The following GRHL2 variants were observed in gnomAD, a reference collection of about 807,000 sequenced individuals.
GRHL2 encodes grainyhead like transcription factor 2.
GRHL2 carries 21 observed loss-of-function variants against 83.8 expected under a neutral mutation model. That is an observed-to-expected ratio of 0.25 (90% CI 0.18 to 0.36). GRHL2 has a LOEUF of 0.36. GRHL2 is among the 10% of genes least tolerant of loss of function. GRHL2 has a pLI of 1.00. For missense variants in GRHL2, 623 were observed against 781.8 expected, an observed-to-expected ratio of 0.80 and a Z score of 2.42; for synonymous variants, 280 against 278.9, an observed-to-expected ratio of 1.00 and a Z score of -0.04.
intron 14 of GRHL2, among the ~76,000 whole-genome samples, chr8:101,652,012 G>T (rs973621119): frequency 5.9e-5 from 9 of 152,144 alleles, no homozygotes; most frequent in Non-Finnish European, 1.0e-4. Flanking sequence ...AGGACAGCAG[G>T]CTCCGTGTAA....
At chr8:101,552,977 T>C (rs1811416014) in intron 3 of GRHL2, among the ~76,000 whole-genome samples, 195 bp downstream of exon 3, 1 of 152,102 alleles carries the variant, frequency 6.6e-6, no homozygotes, top group African/African-American at 2.4e-5. Context: ...ATCCAAAGGG[T>C]CTCTCCACCC....
intron 14 of GRHL2, among the ~76,000 whole-genome samples, chr8:101,652,538 T>TGTGTGTG (rs1813683632): frequency 1.8e-5 from 2 of 111,140 alleles, no homozygotes; most frequent in South Asian, 3.0e-4. Context: ...GTGTGGTGTG[T>TGTGTGTG]GTGTGTGTGG....
intron 14 of GRHL2, among the ~76,000 whole-genome samples, chr8:101,652,401 GGTGT>G (rs1183113596): frequency 3.2e-5 from 2 of 62,292 alleles, no homozygotes; most frequent in Admixed American, 1.7e-4. Flanking sequence ...GTGTGTGTCT[GGTGT>G]GTGTGTGGTG....
chr8:101,655,841 C>A (rs1563629410), intron 14 of GRHL2, among the ~76,000 whole-genome samples: 3 of 152,146 alleles, frequency 2.0e-5, no homozygotes, highest in African/African-American at 7.2e-5. Context: ...GTTTCCAATT[C>A]TTTTTATCTG....
intron 14 of GRHL2, among the ~76,000 whole-genome samples, chr8:101,662,024 T>C (rs1355885932): frequency 1.3e-5 from 2 of 152,254 alleles, no homozygotes; most frequent in African/African-American, 2.4e-5. Context: ...TCTGACACTA[T>C]TGAGATTGCT....
In GRHL2 at chr8:101,667,346, G is replaced by C. The variant is rs1341049537; in HGVS notation, c.*643G>C. 6.3e-6 allele frequency: 1 copy of C among 157,996 alleles called. No homozygotes were observed. Among genetic ancestry groups the C allele is most frequent in the Non-Finnish European group, 1.4e-5 (1 of 70,980 alleles). 9.8% of individuals were successfully genotyped at this position (157,996 alleles called of 1,614,324 possible). A position where few individuals can be genotyped will look rare whatever the true frequency, so the allele number is the denominator to read the frequency against. The stretch of plus-strand genomic sequence containing the variant: ...TCTGCCTGTCTGCATTGTACATAGT[G>C]TTTATAATATTGTAATAATATATTT... On this transcript the variant is annotated 3_prime_UTR_variant, in exon 16 of 16. Coordinates refer to ENST00000646743, the MANE Select transcript of GRHL2 (RefSeq NM_024915.4).
intron 1 of GRHL2, among the ~76,000 whole-genome samples, chr8:101,517,961 C>T (rs1023335727): frequency 3.3e-5 from 5 of 152,124 alleles, no homozygotes; most frequent in Non-Finnish European, 5.9e-5. Flanking sequence ...CTCGCTTATT[C>T]CCACTACATC....
At chr8:101,492,890 TTTTC>T in intron 1 of GRHL2, 101 bp downstream of exon 1, 5 of 1,090,260 alleles carry the variant, frequency 4.6e-6, no homozygotes, top group African/African-American at 1.5e-5. Context: ...TTGTTGGTAT[TTTTC>T]TTTCTTTTTT....
chr8:101,542,726 T>C (rs1419296672), intron 1 of GRHL2: 1 of 456,388 alleles, frequency 2.2e-6, no homozygotes, highest in African/African-American at 2.0e-5. Context: ...GGCCCAGAAG[T>C]CCAGGATCAA....
chr8:101,552,690 G>A, intron 2 of GRHL2, 25 bp from the exon 3 acceptor site: 1 of 1,612,826 alleles, frequency 6.2e-7, no homozygotes, highest in Non-Finnish European at 8.5e-7. Flanking sequence ...GTGTATGTCT[G>A]ACTGATGGTT....
At chr8:101,636,990 C>T (rs1399800792) in intron 12 of GRHL2, 62 bp downstream of exon 12, 20 of 1,417,542 alleles carry the variant, frequency 1.4e-5, no homozygotes, top group Non-Finnish European at 2.0e-5. Context: ...GGTAATGGCT[C>T]TTCCAGCACT....
At chr8:101,602,249 A>G (rs1373823578) in intron 8 of GRHL2, among the ~76,000 whole-genome samples, 1 of 152,260 alleles carries the variant, frequency 6.6e-6, no homozygotes, top group Non-Finnish European at 1.5e-5. Flanking sequence ...GCAAAATTGC[A>G]TGATTGTTGA....
chr8:101,505,313 C>T (rs1290688649), intron 1 of GRHL2, among the ~76,000 whole-genome samples: 1 of 152,112 alleles, frequency 6.6e-6, no homozygotes, highest in Non-Finnish European at 1.5e-5. Context: ...CGTGGTGGCT[C>T]ATGCCTATAA....
intron 13 of GRHL2, among the ~76,000 whole-genome samples, chr8:101,645,014 A>G (rs1355185506): frequency 1.3e-5 from 2 of 151,872 alleles, no homozygotes; most frequent in African/African-American, 4.8e-5. Context: ...TGTCTGGCTA[A>G]TCTGTCTAAT....
intron 14 of GRHL2, among the ~76,000 whole-genome samples, chr8:101,659,353 G>T (rs1813868156): frequency 6.6e-6 from 1 of 152,158 alleles, no homozygotes; most frequent in African/African-American, 2.4e-5. Flanking sequence ...AAAGATGAAT[G>T]TTTTCCCCAT....
intron 7 of GRHL2, among the ~76,000 whole-genome samples, chr8:101,589,480 T>G (rs1361186424): frequency 1.3e-5 from 2 of 152,188 alleles, no homozygotes; most frequent in Non-Finnish European, 1.5e-5. Flanking sequence ...AAGACCAACA[T>G]TCTTAAAAAA....
chr8:101,549,156 G>A (rs914173995), intron 2 of GRHL2, among the ~76,000 whole-genome samples: 22 of 152,060 alleles, frequency 1.4e-4, no homozygotes, highest in African/African-American at 4.8e-4. Context: ...TAGGAGGGGT[G>A]GGGCATGTTC....
intron 14 of GRHL2, among the ~76,000 whole-genome samples, chr8:101,655,062 A>C (rs1813755583): frequency 6.6e-6 from 1 of 152,132 alleles, no homozygotes; most frequent in Non-Finnish European, 1.5e-5. Flanking sequence ...CATGCCTGTA[A>C]TGCCAGCTAC....
chr8:101,518,706 G>T (rs918009303), intron 1 of GRHL2, among the ~76,000 whole-genome samples: 6 of 152,198 alleles, frequency 3.9e-5, no homozygotes, highest in Admixed American at 1.3e-4. Context: ...CTGCAAGTAT[G>T]AGATCGTTCT....
Sources: allele counts gnomAD v4.1 joint callset (sites outside exome capture counted in the v4.1 genomes callset), GRCh38; gene constraint gnomAD v4.1.1; transcripts MANE v1.5; gene names NCBI Gene and HGNC (gene_info 2026-07-23, HGNC 2026-07-21).